The following SLCO1C1 variants were observed in gnomAD, a reference collection of about 807,000 sequenced individuals.
The protein encoded by SLCO1C1 is solute carrier organic anion transporter family member 1C1.
Under a neutral mutation model 76.4 loss-of-function variants are expected in SLCO1C1, and 70 were observed. The ratio of observed to expected loss-of-function variants is 0.92; its 90% CI spans 0.76 to 1.12. The LOEUF is 1.12. Among genes scored for constraint, SLCO1C1 ranks in the 50% most tolerant of loss-of-function variants. The pLI is 0.00. For missense variants in SLCO1C1, 912 were observed against 823.8 expected, an observed-to-expected ratio of 1.11 and a Z score of -1.31; for synonymous variants, 306 against 286.1, an observed-to-expected ratio of 1.07 and a Z score of -0.70.
At chr12:20,719,354 C>A (rs1947539812) in intron 7 of SLCO1C1, among the ~76,000 whole-genome samples, 1 of 152,062 alleles carries the variant, frequency 6.6e-6, no homozygotes, top group Admixed American at 6.6e-5. Flanking sequence ...AGTAACCCTA[C>A]AATGACCTCT....
chr12:20,752,414 T>G lies in SLCO1C1; in HGVS notation c.2025T>G (p.Phe675Leu). The G allele has an allele frequency of 6.2e-7, 1 of 1,613,526 alleles. No individual in the cohort carries two copies. The highest frequency in any genetic ancestry group is 1.3e-5 in the African/African-American group (1 of 75,042). Residue 675 changes from phenylalanine (F) to leucine (L), a missense_variant, in exon 15 of 15, where the codon TTT (phenylalanine) becomes TTG (leucine). Transcript: ENST00000266509. Reference protein sequence around the residue: ...KKNYVSKHRSFITKRERTMVS... With the variant: ...KKNYVSKHRSLITKRERTMVS... ...ATTATGTTTCAAAACACAGAAGTTT[T>G]ATAACCAAGAGAGAAAGAACAATGG...
chr12:20,729,138 C>T (rs1948158530), intron 9 of SLCO1C1, among the ~76,000 whole-genome samples: 1 of 151,818 alleles, frequency 6.6e-6, no homozygotes, highest in South Asian at 2.1e-4. Context: ...TTTAAAAATA[C>T]CTAAAATGAA....
chr12:20,704,088 CTAA>C (rs1398358231), intron 3 of SLCO1C1, among the ~76,000 whole-genome samples: 3 of 150,738 alleles, frequency 2.0e-5, no homozygotes, highest in African/African-American at 7.3e-5. Flanking sequence ...TTGTGAGAGG[CTAA>C]TGATGGTAGA....
chr12:20,750,756 G>T lies in SLCO1C1; in HGVS notation c.1880G>T (p.Arg627Ile), dbSNP rs757439490. Residue 627 changes from arginine (R) to isoleucine (I), a missense_variant, in exon 14 of 15, where the codon AGA (arginine) becomes ATA (isoleucine). Arg to Ile is a moderately conservative substitution (Grantham distance 97). Transcript: ENST00000266509. ...TGGGGATTTAAAAGATGTGGAAGTA[G>T]AGGATCATGCAGATTATATGATTCA... ...LKWGFKRCGSRGSCRLYDSNV... is the reference protein window; with the variant it reads ...LKWGFKRCGSIGSCRLYDSNV... 6.2e-7 allele frequency: 1 copy of T among 1,614,040 alleles called. No homozygotes were observed.
At chr12:20,713,231 T>A (rs371984604) in intron 5 of SLCO1C1, among the ~76,000 whole-genome samples, 2 of 151,444 alleles carry the variant, frequency 1.3e-5, no homozygotes, top group African/African-American at 2.4e-5. Context: ...AGGCGCCCGC[T>A]ACCACGCCCG....
chr12:20,701,314 C>T lies in SLCO1C1; in HGVS notation c.130-4C>T. On this transcript the variant is annotated splice_region_variant and splice_polypyrimidine_tract_variant and intron_variant, in intron 2 of 14. Transcript: ENST00000266509. ...GACTAAGTGTGACCTGTCATATTTT[C>T]CAGGTGTTCTTGTGTGCCTTGTCTT... 2 of 1,493,720 alleles carry T rather than the reference C, an allele frequency of 1.3e-6. No homozygotes were observed. The highest frequency in any genetic ancestry group is 1.8e-6 in the Non-Finnish European group (2 of 1,103,310). 92.5% of individuals were successfully genotyped at this position (1,493,720 alleles called of 1,614,324 possible). A position where few individuals can be genotyped will look rare whatever the true frequency, so the allele number is the denominator to read the frequency against.
chr12:20,729,776 G>A (rs12320927), intron 9 of SLCO1C1, among the ~76,000 whole-genome samples: 2 of 151,870 alleles, frequency 1.3e-5, no homozygotes, highest in Non-Finnish European at 2.9e-5. Flanking sequence ...AGTATTAAAA[G>A]ATGAAAGTGT....
intron 3 of SLCO1C1, among the ~76,000 whole-genome samples, chr12:20,702,613 C>T (rs1046269340): frequency 7.9e-5 from 12 of 151,834 alleles, no homozygotes; most frequent in Admixed American, 3.9e-4. Context: ...CTGATCACAT[C>T]AATCTTTTAT....
chr12:20,711,125 G>A (rs1252070848), intron 4 of SLCO1C1, among the ~76,000 whole-genome samples: 2 of 152,102 alleles, frequency 1.3e-5, no homozygotes, highest in Non-Finnish European at 1.5e-5. Context: ...AATTTGTGTT[G>A]GGCTGCATTC....
intron 3 of SLCO1C1, 111 bp downstream of exon 3, chr12:20,701,570 A>ATAT: frequency 7.9e-5 from 58 of 735,598 alleles, no homozygotes; most frequent in Non-Finnish European, 9.4e-5. Flanking sequence ...TATTCATAAA[A>ATAT]TCTTTTTTTT....
intron 6 of SLCO1C1, among the ~76,000 whole-genome samples, chr12:20,716,018 G>C (rs1419003995): frequency 2.6e-5 from 4 of 152,092 alleles, no homozygotes; most frequent in Non-Finnish European, 5.9e-5. Context: ...CTATGGTGTT[G>C]ACATACATCA....
At chr12:20,750,647 T>C (rs1008918697) in intron 13 of SLCO1C1, 28 bp from the exon 14 acceptor site, 1 of 1,595,222 alleles carries the variant, frequency 6.3e-7, no homozygotes, top group Admixed American at 1.7e-5. Context: ...CATATGTTTT[T>C]AACAGCAATT....
chr12:20,726,048 G>A (rs915282967), intron 9 of SLCO1C1, among the ~76,000 whole-genome samples: 9 of 152,018 alleles, frequency 5.9e-5, no homozygotes, highest in African/African-American at 1.2e-4. Flanking sequence ...GGGTGCAGCC[G>A]ACTAAGCGTA....
At chr12:20,738,929 G>A (rs12579022) in intron 11 of SLCO1C1, among the ~76,000 whole-genome samples, 66,325 of 151,920 alleles carry the variant, frequency 0.44, 17,211 homozygotes, top group South Asian at 0.64. Context: ...AATCTATATT[G>A]CCACTCTTTC....
intron 8 of SLCO1C1, among the ~76,000 whole-genome samples, chr12:20,722,334 C>A (rs897904838): frequency 2.0e-5 from 3 of 152,210 alleles, no homozygotes; most frequent in African/African-American, 7.2e-5. Context: ...TCCTGTAATT[C>A]TGTGTATACA....
intron 5 of SLCO1C1, among the ~76,000 whole-genome samples, chr12:20,713,149 G>T (rs898962637): frequency 6.7e-6 from 1 of 148,506 alleles, no homozygotes; most frequent in Non-Finnish European, 1.5e-5. Flanking sequence ...GCGCGATCTC[G>T]GCTCACTGCA....
rs753424794 is a variant in SLCO1C1 at position 20,723,261 on chromosome 12, T to C, written c.1186+7T>C. On this transcript the variant is annotated splice_region_variant and intron_variant, in intron 9 of 14. Transcript: ENST00000266509. Reference sequence around the variant, plus strand: ...AGGGCCAACTTTGTGATCGGTATGCTCATCTGCCTTTCATGCTTTCTCAGA... The same window carrying C: ...AGGGCCAACTTTGTGATCGGTATGCCCATCTGCCTTTCATGCTTTCTCAGA... The C allele has an allele frequency of 1.2e-6, 2 of 1,612,434 alleles. No homozygotes were observed. The highest frequency in any genetic ancestry group is 2.7e-5 in the African/African-American group (2 of 74,816).
At position 20,721,832 on chromosome 12, in the gene SLCO1C1, C is replaced by G. The variant is rs765192147; in HGVS notation, c.804C>G (p.Pro268=). 16 of 1,614,006 alleles carry G rather than the reference C, an allele frequency of 9.9e-6. No homozygotes were observed. The highest frequency in any genetic ancestry group is 1.3e-5 in the African/African-American group (1 of 74,920). Reference sequence around the variant, plus strand: ...ACATAACCATTACCCCAAAAGATCCCCAGTGGGTAGGAGCCTGGTGGCTTG... The same window carrying G: ...ACATAACCATTACCCCAAAAGATCCGCAGTGGGTAGGAGCCTGGTGGCTTG... The part of the protein sequence containing the change: ...LDHITITPKD[P]QWVGAWWLGY... The change falls in exon 8 of 15, where the codon CCC becomes CCG. Residue 268 remains proline, a synonymous_variant. Coordinates refer to ENST00000266509, the MANE Select transcript of SLCO1C1 (RefSeq NM_017435.5).
At chr12:20,735,291 G>A (rs917258896) in intron 10 of SLCO1C1, among the ~76,000 whole-genome samples, 2 of 152,092 alleles carry the variant, frequency 1.3e-5, no homozygotes, top group Non-Finnish European at 2.9e-5. Flanking sequence ...ACTCTGATGT[G>A]GACATAAGAA....
Sources: allele counts gnomAD v4.1 joint callset (sites outside exome capture counted in the v4.1 genomes callset), GRCh38; gene constraint gnomAD v4.1.1; transcripts MANE v1.5; gene names NCBI Gene and HGNC (gene_info 2026-07-23, HGNC 2026-07-21).